Variants in PDE1C observed in about 807,000 individuals in gnomAD.
The protein encoded by PDE1C is phosphodiesterase 1C.
In PDE1C, 62 loss-of-function variants were observed where a neutral mutation model predicts 93.1. The ratio of observed to expected loss-of-function variants is 0.67; its 90% CI spans 0.54 to 0.82. The LOEUF is 0.82. Among genes scored for constraint, PDE1C ranks in the 40% least tolerant of loss-of-function variants. The probability of loss-of-function intolerance (pLI) is 0.00; values close to 1 mark genes in which losing one functional copy is unlikely to be tolerated. For missense variants in PDE1C, 742 were observed against 884.6 expected, an observed-to-expected ratio of 0.84 and a Z score of 2.04; for synonymous variants, 325 against 310.1, an observed-to-expected ratio of 1.05 and a Z score of -0.50.
intron 7 of PDE1C, among the ~76,000 whole-genome samples, chr7:31,858,942 G>T (rs1282952449): frequency 6.6e-6 from 1 of 151,672 alleles, no homozygotes. Flanking sequence ...ACACACATAT[G>T]AAACTTTAGT....
the PDE1C span, among the ~76,000 whole-genome samples, chr7:31,723,409 A>G: frequency 1.3e-5 from 2 of 152,150 alleles, no homozygotes; most frequent in Non-Finnish European, 2.9e-5. Flanking sequence ...TCCCCTCCTG[A>G]TGTTTCAGGG....
chr7:32,263,065 T>C (rs749102646), intron 1 of PDE1C, among the ~76,000 whole-genome samples: 2 of 152,208 alleles, frequency 1.3e-5, no homozygotes, highest in Admixed American at 6.5e-5. Context: ...GCTGGTGTGA[T>C]ATGAGGATCT....
chr7:31,880,854 C>A lies in PDE1C; in HGVS notation c.135G>T (p.Arg45=), dbSNP rs769634542. The A allele has an allele frequency of 1.9e-6, 3 of 1,585,260 alleles. No homozygotes were observed. The change falls in exon 3 of 18, where the codon CGG becomes CGT. Residue 45 remains arginine (R), a synonymous_variant. Transcript: ENST00000396191. ...RKYKKTSQRL[R]SLVKQLERGE... is the part of the protein sequence containing the mutation. The stretch of plus-strand genomic sequence containing the variant: ...CTCTCTCTAATTGTTTGACCAAAGA[C>A]CGTAATCTAGAAAAATAAAAAGACA...
In PDE1C at chr7:32,412,478, G is replaced by A. The variant is rs186616584; in HGVS notation, c.310+15344C>T. Reference sequence around the variant, plus strand: ...CTCAAAAAAAAAAAAAAAAAGTTTAGCAAACACATAAATCAGTAACATAGT... The same window carrying A: ...CTCAAAAAAAAAAAAAAAAAGTTTAACAAACACATAAATCAGTAACATAGT... On this transcript the variant is annotated intron_variant, in intron 1 of 1. Transcript: ENST00000672256. 7.5e-5 allele frequency among the ~76,000 whole-genome samples: 11 copies of A among 146,492 alleles called. No homozygotes were observed. The East Asian group carries it at 1.8e-3, about 24-fold the overall frequency.
intron 1 of PDE1C, among the ~76,000 whole-genome samples, chr7:32,309,441 T>C (rs1239526865): frequency 6.6e-6 from 1 of 151,940 alleles, no homozygotes; most frequent in Non-Finnish European, 1.5e-5. Flanking sequence ...CCAAGACACA[T>C]AATTGTCAGA....
At chr7:31,745,192 G>T in the PDE1C span, among the ~76,000 whole-genome samples, 1 of 152,050 alleles carries the variant, frequency 6.6e-6, no homozygotes, top group Admixed American at 6.5e-5. Context: ...GGCGCTCTGT[G>T]TCGAGAAGGT....
At chr7:32,087,862 GA>G (rs1159750034) in intron 3 of PDE1C, among the ~76,000 whole-genome samples, 1 of 151,150 alleles carries the variant, frequency 6.6e-6, no homozygotes, top group Non-Finnish European at 1.5e-5. Flanking sequence ...GGGGTGGTGG[GA>G]GGGGGGAGGG....
intron 2 of PDE1C, among the ~76,000 whole-genome samples, chr7:32,173,898 C>T (rs112859326): frequency 4.6e-5 from 7 of 152,192 alleles, no homozygotes; most frequent in African/African-American, 1.7e-4. Flanking sequence ...CATGGGTCAG[C>T]AAACAGCTCT....
chr7:32,311,554 C>T (rs1226861188), intron 1 of PDE1C, among the ~76,000 whole-genome samples: 11 of 152,166 alleles, frequency 7.2e-5, no homozygotes, highest in Admixed American at 3.3e-4. Flanking sequence ...AGCTTATCCA[C>T]CATGATCAAG....
chr7:31,894,252 GTCT>G (rs1348027341), intron 2 of PDE1C, among the ~76,000 whole-genome samples: 1 of 152,184 alleles, frequency 6.6e-6, no homozygotes, highest in Middle Eastern at 3.2e-3. Flanking sequence ...TTGAGAGGGA[GTCT>G]TCTTTTCTCC....
At chr7:31,691,820 AAAC>A in the PDE1C span, among the ~76,000 whole-genome samples, 1 of 151,260 alleles carries the variant, frequency 6.6e-6, no homozygotes, top group Non-Finnish European at 1.5e-5. Flanking sequence ...AAAAAAAAAA[AAAC>A]CAAGCAAAAA....
At chr7:32,387,544 G>C (rs1784655611) in intron 1 of PDE1C, among the ~76,000 whole-genome samples, 1 of 146,666 alleles carries the variant, frequency 6.8e-6, no homozygotes, top group African/African-American at 2.5e-5. Flanking sequence ...CGGCTGGCCG[G>C]GCAGAGGGGT....
At chr7:31,781,710 C>T (rs1011695322) in intron 16 of PDE1C, among the ~76,000 whole-genome samples, 14 of 127,254 alleles carry the variant, frequency 1.1e-4, no homozygotes, top group African/African-American at 3.8e-4. Context: ...CCCCCACACA[C>T]TGCCCTAAGA....
intron 2 of PDE1C, among the ~76,000 whole-genome samples, chr7:31,960,182 G>C (rs1808744120): frequency 6.6e-6 from 1 of 152,006 alleles, no homozygotes; most frequent in Non-Finnish European, 1.5e-5. Flanking sequence ...GCCTCAACTT[G>C]CTAAAATTAA....
chr7:31,946,749 A>C (rs1305384539), intron 2 of PDE1C, among the ~76,000 whole-genome samples: 5 of 151,648 alleles, frequency 3.3e-5, no homozygotes. Flanking sequence ...CACTTTATGC[A>C]CTCTTAAACT....
At chr7:32,170,976 A>G (rs964657285) in intron 2 of PDE1C, among the ~76,000 whole-genome samples, 4 of 152,110 alleles carry the variant, frequency 2.6e-5, no homozygotes, top group Non-Finnish European at 5.9e-5. Context: ...CCCTGAAGTC[A>G]TTCAAACTAG....
At chr7:31,776,239 T>A (rs964890478) in intron 16 of PDE1C, among the ~76,000 whole-genome samples, 34 of 152,206 alleles carry the variant, frequency 2.2e-4, no homozygotes, top group Non-Finnish European at 3.7e-4. Context: ...AGCAATGAAC[T>A]GGATCTCTCT....
intron 3 of PDE1C, among the ~76,000 whole-genome samples, chr7:32,126,713 G>A (rs1238951772): frequency 2.0e-5 from 3 of 152,036 alleles, no homozygotes; most frequent in African/African-American, 7.2e-5. Context: ...ATAGAAGAGT[G>A]AAATAATAGG....
rs562201404 is a variant in PDE1C, at chr7:31,995,295, G to A, written c.128+56259C>T. On this transcript the variant is annotated intron_variant, in intron 2 of 17. Transcript: ENST00000396191. The stretch of plus-strand genomic sequence containing the variant: ...GCCACTGCAGCCCCTCTTGGTCAGA[G>A]GTCTATTTTGTGAACTGCTTGATGG... Among the ~76,000 whole-genome samples the A allele has an allele frequency of 2.0e-5, 3 of 152,194 alleles. No individual in the cohort carries two copies. In the South Asian group the frequency reaches 6.2e-4, roughly 32 times the overall value.
Sources: gnomAD v4.1 joint callset for allele counts (sites outside exome capture counted in the v4.1 genomes callset) on GRCh38, gnomAD v4.1.1 for gene constraint, MANE v1.5 for transcripts, NCBI Gene and HGNC (gene_info 2026-07-23, HGNC 2026-07-21) for gene names.